The following PLXND1 variants were observed in gnomAD, a reference collection of about 807,000 sequenced individuals.
PLXND1 encodes the protein plexin-D1.
In PLXND1, 54 loss-of-function variants were observed where a neutral mutation model predicts 197.7. The ratio of observed to expected loss-of-function variants is 0.27; its 90% CI spans 0.22 to 0.34. The LOEUF (loss-of-function observed/expected upper bound fraction) is 0.34. Among genes scored for constraint, PLXND1 ranks in the 10% least tolerant of loss-of-function variants. The pLI is 1.00. For synonymous variants in PLXND1, 1,180 were observed against 1,161.2 expected (o/e 1.02, Z -0.33); for missense variants, 2,127 against 2,699.2 (o/e 0.79, Z 4.70).
chr3:129,580,558 G>A (rs1308095743), intron 8 of PLXND1, among the ~76,000 whole-genome samples: 1 of 152,128 alleles, frequency 6.6e-6, no homozygotes, highest in African/African-American at 2.4e-5. Flanking sequence ...GCTGAGGTGT[G>A]AGAGTCAGGG....
chr3:129,584,333 C>G, intron 6 of PLXND1, 52 bp downstream of exon 6: 1 of 1,602,536 alleles, frequency 6.2e-7, no homozygotes, highest in South Asian at 1.1e-5. Flanking sequence ...CCATGCCTGA[C>G]AGTCCACCGT....
intron 20 of PLXND1, chr3:129,569,340 T>C (rs1409870714): frequency 1.3e-5 from 2 of 155,808 alleles, no homozygotes; most frequent in East Asian, 3.7e-4. Context: ...TCATAGGTCA[T>C]AGGGTAATTC....
intron 8 of PLXND1, among the ~76,000 whole-genome samples, chr3:129,582,692 G>A (rs1166516982): frequency 6.6e-6 from 1 of 152,232 alleles, no homozygotes; most frequent in East Asian, 1.9e-4. Context: ...AAAGGTGAGA[G>A]GCCACCTGGA....
chr3:129,565,804 AGCCCCAGG>A, intron 24 of PLXND1, 75 bp downstream of exon 24: 2 of 1,453,396 alleles, frequency 1.4e-6, no homozygotes, highest in Middle Eastern at 4.3e-4. Context: ...AGAGCCCCAG[AGCCCCAGG>A]ACCCAGGACC....
chr3:129,589,281 G>T, intron 2 of PLXND1, 70 bp downstream of exon 2: 2 of 900,610 alleles, frequency 2.2e-6, no homozygotes, highest in South Asian at 1.4e-5. Flanking sequence ...TGTACAGACT[G>T]ACCCCCTCAG....
At chr3:129,562,511 AAAAC>A (rs955486735) in intron 27 of PLXND1, 47 of 354,374 alleles carry the variant, frequency 1.3e-4, no homozygotes, top group Non-Finnish European at 1.9e-4. Context: ...TCCCGTCTCA[AAAAC>A]AAACAAACAA....
intron 13 of PLXND1, 58 bp downstream of exon 13, chr3:129,573,536 G>A (rs371217584): frequency 6.6e-7 from 1 of 1,506,712 alleles, no homozygotes. Context: ...GAGTGAGGAG[G>A]ACAGAGCAGA....
chr3:129,556,901 CCCG>C lies in PLXND1; in HGVS notation c.5586+179_5586+181del. On this transcript the variant is annotated intron_variant, in intron 34 of 35. Transcript: ENST00000324093. ...TCCATCCAGAGGGTGCTCTCCTGCC[CCCG>C]CTCCTCAAACTCTGGGAAAATGCAT... 1.3e-5 allele frequency: 10 copies of C among 740,926 alleles called. 1 individual carries two copies. The South Asian group carries it at 1.8e-4, about 13-fold the overall frequency. 45.9% of individuals were successfully genotyped at this position (740,926 alleles called of 1,614,324 possible).
chr3:129,586,657 C>G lies in PLXND1; in HGVS notation c.1551G>C (p.Glu517Asp). ...CAAACTGCATGACATGGTGCACGGG[C>G]TCCCCATAGGCCACAGTCACCACCC... Reference protein sequence around the residue: ...SRRVVTVAYGEPVHHVMQFDP... With the variant: ...SRRVVTVAYGDPVHHVMQFDP... The change falls in exon 3 of 36, where the codon GAG becomes GAC. Residue 517 changes from glutamate (E) to aspartate (D), a missense_variant. Glu to Asp is a conservative substitution (Grantham distance 45). Transcript: ENST00000324093. The G allele has an allele frequency of 6.3e-7, 1 of 1,586,610 alleles. No homozygotes were observed. Among genetic ancestry groups the G allele is most frequent in the Non-Finnish European group, 8.6e-7 (1 of 1,165,872 alleles).
At chr3:129,589,330 C>A in intron 2 of PLXND1, 21 bp downstream of exon 2, 1 of 1,413,014 alleles carries the variant, frequency 7.1e-7, no homozygotes, top group East Asian at 2.6e-5. Context: ...ACCCCCTCCC[C>A]ACATCCCCAA....
Position 129,606,174 on chromosome 3 carries a change from T to C in PLXND1, c.466A>G (p.Ile156Val), listed in dbSNP as rs1323825887. The C allele has an allele frequency of 1.3e-6, 2 of 1,543,294 alleles. No homozygotes were observed. The highest frequency in any genetic ancestry group is 1.7e-6 in the Non-Finnish European group (2 of 1,151,930). The change falls in exon 1 of 36, where the codon ATC becomes GTC. Residue 156 changes from isoleucine to valine, a missense_variant. Transcript: ENST00000324093. ...GGGAAGCGCACGGCCACGGCCGAGA[T>C]GTTGCCCCGGCGCCGCAGCTGGCAG... ...GFCQLRRRGNISAVAVRFPPA... is the reference protein window; with the variant it reads ...GFCQLRRRGNVSAVAVRFPPA...
At chr3:129,600,703 G>A in intron 1 of PLXND1, among the ~76,000 whole-genome samples, 1 of 151,530 alleles carries the variant, frequency 6.6e-6, no homozygotes, top group East Asian at 2.0e-4. Context: ...ATCCTGCCAA[G>A]TGTCTCTGCT....
Position 129,586,563 on chromosome 3 carries a change from C to T in PLXND1, c.1620+25G>A, listed in dbSNP as rs1329435492. On this transcript the variant is annotated intron_variant, in intron 3 of 35. Coordinates refer to ENST00000324093, the MANE Select transcript of PLXND1 (RefSeq NM_015103.3). Reference sequence around the variant, plus strand: ...GAGGGCTCGGCTGGTGCTGGGATGGCGTTGGGCTGGGGCTCTGGCCTCACC... The same window carrying T: ...GAGGGCTCGGCTGGTGCTGGGATGGTGTTGGGCTGGGGCTCTGGCCTCACC... The T allele has an allele frequency of 3.2e-6, 5 of 1,559,232 alleles. No homozygotes were observed. The African/African-American group carries it at 4.1e-5, about 13-fold the overall frequency.
chr3:129,589,323 CCCT>C, intron 2 of PLXND1, 25 bp downstream of exon 2: 1 of 1,044,012 alleles, frequency 9.6e-7, no homozygotes, highest in Admixed American at 2.2e-5. Context: ...CACCCCCACC[CCCT>C]CCCCACATCC....
Position 129,605,506 on chromosome 3 carries a change from G to A in PLXND1, c.1134C>T (p.Ser378=). The A allele has an allele frequency of 6.7e-7, 1 of 1,497,012 alleles. No homozygotes were observed. 92.7% of individuals were successfully genotyped at this position (1,497,012 alleles called of 1,614,324 possible). The stretch of plus-strand genomic sequence containing the variant: ...CGGCCGGAGCAGCGCGGGCCGCGGG[G>A]GACCCCTGGGGCCGCTCGAAGACAG... ...LFAVFERPQG[S]PAARAAPAAL... is the part of the protein sequence containing the mutation. The change falls in exon 1 of 36, where the codon TCC becomes TCT. Residue 378 remains serine (S), a synonymous_variant. Coordinates refer to ENST00000324093, the MANE Select transcript of PLXND1 (RefSeq NM_015103.3).
chr3:129,571,520 G>C lies in PLXND1; in HGVS notation c.3325C>G (p.Arg1109Gly). Residue 1109 changes from arginine (R) to glycine (G), a missense_variant, in exon 17 of 36, where the codon CGG (arginine) becomes GGG (glycine). Physicochemically the swap from Arg to Gly is moderately radical, Grantham distance 125. Transcript: ENST00000324093. ...CCCGAATGCCTCACCGTGGGCTCCC[G>C]GCCAATGTGGTGGACGGCCATGGAC... ...NVSMAVHHIGREPTLCKVLNS... is the reference protein window; with the variant it reads ...NVSMAVHHIGGEPTLCKVLNS... 6.2e-7 allele frequency: 1 copy of C among 1,613,382 alleles called. No homozygotes were observed. The highest frequency in any genetic ancestry group is 2.2e-5 in the East Asian group (1 of 44,872).
intron 1 of PLXND1, among the ~76,000 whole-genome samples, chr3:129,597,230 G>A (rs966452343): frequency 6.6e-6 from 1 of 151,538 alleles, no homozygotes; most frequent in Non-Finnish European, 1.5e-5. Flanking sequence ...CCAGATCCCC[G>A]CCCTTAACCA....
chr3:129,576,570 C>T (rs1314421464), intron 9 of PLXND1, among the ~76,000 whole-genome samples: 2 of 152,186 alleles, frequency 1.3e-5, no homozygotes, highest in African/African-American at 2.4e-5. Context: ...CAACCGGGGA[C>T]GGTCAGGGCT....
At chr3:129,594,982 C>T (rs2085598932) in intron 1 of PLXND1, among the ~76,000 whole-genome samples, 1 of 152,166 alleles carries the variant, frequency 6.6e-6, no homozygotes, top group Admixed American at 6.5e-5. Flanking sequence ...GCCCTTGAAG[C>T]CCCACTCAAT....
Sources: gnomAD v4.1 joint callset for allele counts (sites outside exome capture counted in the v4.1 genomes callset) on GRCh38, gnomAD v4.1.1 for gene constraint, MANE v1.5 for transcripts, NCBI Gene and HGNC (gene_info 2026-07-23, HGNC 2026-07-21) for gene names.